LRRC9: variants seen among roughly 807,000 people sequenced by gnomAD.
LRRC9 encodes the protein leucine-rich repeat-containing protein 9.
Under a neutral mutation model 63.2 loss-of-function variants are expected in LRRC9, and 122 were observed. The ratio of observed to expected loss-of-function variants is 1.93; its 90% CI spans 1.67 to 2.24. The LOEUF (loss-of-function observed/expected upper bound fraction) is 2.24. Among genes scored for constraint, LRRC9 ranks in the 30% most tolerant of loss-of-function variants. LRRC9 has a pLI of 0.00. For synonymous variants in LRRC9, 366 were observed against 213.1 expected, an observed-to-expected ratio of 1.72 and a Z score of -6.25; for missense variants, 1,071 against 627.7, an observed-to-expected ratio of 1.71 and a Z score of -7.55.
At chr14:59,956,255 T>C (rs1309077616) in intron 8 of LRRC9, among the ~76,000 whole-genome samples, 1 of 152,112 alleles carries the variant, frequency 6.6e-6, no homozygotes, top group African/African-American at 2.4e-5. Flanking sequence ...CTCCCACTAT[T>C]ATTGTGTGAG....
At chr14:59,944,172 G>A (rs182532188) in intron 7 of LRRC9, among the ~76,000 whole-genome samples, 1,532 of 151,828 alleles carry the variant, frequency 0.01, 22 homozygotes, top group African/African-American at 0.035. Flanking sequence ...TTTAAAAAAC[G>A]AATTGAGTAA....
At chr14:60,061,547 G>A (rs559465124) in intron 31 of LRRC9, among the ~76,000 whole-genome samples, 1 of 152,036 alleles carries the variant, frequency 6.6e-6, no homozygotes, top group African/African-American at 2.4e-5. Context: ...ATATGTCCTG[G>A]GAAACCAAAA....
rs1884433788 is a variant in LRRC9 at position 59,962,358 on chromosome 14, A to C, written c.1211+1313A>C. Among the ~76,000 whole-genome samples, 1 of 152,316 alleles carries C rather than the reference A, an allele frequency of 6.6e-6. No homozygotes were observed. Among genetic ancestry groups the C allele is most frequent in the South Asian group, 2.1e-4 (1 of 4,828 alleles). On this transcript the variant is annotated intron_variant, in intron 10 of 31. Transcript: ENST00000445360. This position sits in a 1 kb window ranked among gnomAD's most constrained non-coding sequence, Gnocchi z 5.1. ...CTTGATTTTTCAAGTGCAAAAACTG[A>C]ATGGTGTGTCTCTACTGGGTGCACA...
chr14:59,997,911 C>G, intron 18 of LRRC9, 64 bp downstream of exon 18: 1 of 606,600 alleles, frequency 1.6e-6, no homozygotes, highest in Non-Finnish European at 3.0e-6. Context: ...TCCCTACTAA[C>G]TTTACTATTT....
chr14:60,026,204 C>T (rs920593154), intron 27 of LRRC9, among the ~76,000 whole-genome samples: 5 of 152,084 alleles, frequency 3.3e-5, no homozygotes, highest in Non-Finnish European at 7.4e-5. Flanking sequence ...AGTAAGCACA[C>T]AGAAAGATGA....
rs1318841838 is a variant in LRRC9 at position 60,027,918 on chromosome 14, CT to C, written c.3740del (p.Leu1247Ter). On this transcript the variant is annotated frameshift_variant, in exon 28 of 32. Coordinates refer to ENST00000445360, the Ensembl canonical transcript of LRRC9. LOFTEE classifies it high-confidence loss of function. The surrounding 1 kb of genome is among the most constrained non-coding windows in gnomAD (Gnocchi z 4.0). ...TCAGCCAAGTTGAAGGGCTTGACAACTTAGTAGTCCTTCAAGAATTGGTAGT... is the reference window on the plus strand; with the variant it reads ...TCAGCCAAGTTGAAGGGCTTGACAACTAGTAGTCCTTCAAGAATTGGTAGT... 1.4e-6 allele frequency: 1 copy of C among 701,320 alleles called. No homozygotes were observed. The highest frequency in any genetic ancestry group is 2.6e-6 in the Non-Finnish European group (1 of 384,100). 43.4% of individuals were successfully genotyped at this position (701,320 alleles called of 1,614,324 possible).
intron 15 of LRRC9, among the ~76,000 whole-genome samples, chr14:59,980,991 G>A (rs1886867541): frequency 6.6e-6 from 1 of 151,920 alleles, no homozygotes; most frequent in Non-Finnish European, 1.5e-5. Context: ...TAGTTTCTTG[G>A]TTATTTCTTC....
At chr14:59,945,567 T>C (rs577315172) in intron 8 of LRRC9, among the ~76,000 whole-genome samples, 1 of 152,058 alleles carries the variant, frequency 6.6e-6, no homozygotes, top group South Asian at 2.1e-4. Flanking sequence ...AAAGAAATAC[T>C]AGAAATCACA....
At chr14:59,999,078 AT>A (rs766933620) in intron 18 of LRRC9, 22 bp from the exon 19 acceptor site, 1,537 of 582,308 alleles carry the variant, frequency 2.6e-3, no homozygotes, top group South Asian at 5.2e-3. Flanking sequence ...TTTATAAAAA[AT>A]TTTTTTTTTG....
At chr14:59,921,122 C>T (rs1888736728) in intron 1 of LRRC9, among the ~76,000 whole-genome samples, 1 of 152,186 alleles carries the variant, frequency 6.6e-6, no homozygotes, top group Middle Eastern at 3.4e-3. Context: ...TGGAGTATGC[C>T]ATACAGCCAA....
At chr14:59,974,254 T>C (rs896120687) in intron 12 of LRRC9, among the ~76,000 whole-genome samples, 1 of 152,108 alleles carries the variant, frequency 6.6e-6, no homozygotes, top group African/African-American at 2.4e-5. Context: ...TTTTTGGAGT[T>C]AGCAAGATTA....
At chr14:60,007,940 TA>T (rs398043778) in intron 22 of LRRC9, among the ~76,000 whole-genome samples, 151 bp from the exon 23 acceptor site, 18,553 of 126,478 alleles carry the variant, frequency 0.15, 1,505 homozygotes, top group South Asian at 0.25. Context: ...ACCATGTCTT[TA>T]AAAAAAAAAA....
Position 59,974,561 on chromosome 14 carries a change from G to T in LRRC9, c.1507-15G>T. 4.7e-6 allele frequency: 3 copies of T among 633,152 alleles called. No individual in the cohort carries two copies. Among genetic ancestry groups the T allele is most frequent in the Admixed American group, 2.7e-5 (1 of 36,610 alleles). The allele number at this position is 633,152 out of a possible 1,614,324, so 39.2% of individuals were successfully genotyped here. A position where few individuals can be genotyped will look rare whatever the true frequency, so the allele number is the denominator to read the frequency against. ...AATTTTATAAAAATACTCAGACTTT[G>T]TTTTTTCTTTGCAGCTGCCTCTCAA... On this transcript the variant is annotated splice_polypyrimidine_tract_variant and intron_variant, in intron 12 of 31. Transcript: ENST00000445360.
At chr14:59,969,365 T>C (rs890292590) in intron 12 of LRRC9, 1 of 152,210 alleles carries the variant, frequency 6.6e-6, no homozygotes, top group African/African-American at 2.4e-5. Context: ...CTTCCCTTTT[T>C]TCTTCACACA....
chr14:60,033,197 CCT>C (rs1222274594), intron 29 of LRRC9, among the ~76,000 whole-genome samples: 1 of 151,846 alleles, frequency 6.6e-6, no homozygotes, highest in African/African-American at 2.4e-5. Context: ...CTTGCTGAAC[CCT>C]CTTTTTAATT....
At chr14:59,992,082 C>T (rs893050988) in intron 17 of LRRC9, among the ~76,000 whole-genome samples, 4 of 152,250 alleles carry the variant, frequency 2.6e-5, no homozygotes, top group East Asian at 1.9e-4. Flanking sequence ...AGACTGACAC[C>T]TCACATGGCC....
chr14:60,025,905 C>A (rs1455979401), intron 27 of LRRC9, among the ~76,000 whole-genome samples: 4 of 151,936 alleles, frequency 2.6e-5, no homozygotes, highest in African/African-American at 2.4e-5. Flanking sequence ...AATATTAGGA[C>A]TTAGTGGCTA....
rs1884040712 is a variant in LRRC9 at position 59,958,594 on chromosome 14, T to C, written c.883-1224T>C. Among the ~76,000 whole-genome samples, 1 of 152,202 alleles carries C rather than the reference T, an allele frequency of 6.6e-6. No homozygotes were observed. Among genetic ancestry groups the C allele is most frequent in the Admixed American group, 6.5e-5 (1 of 15,278 alleles). On this transcript the variant is annotated intron_variant, in intron 8 of 31. Transcript: ENST00000445360. The surrounding 1 kb of genome is among the most constrained non-coding windows in gnomAD (Gnocchi z 4.0). ...AGTGGGACCCGCTGAGCAAGACCAC[T>C]TGGCTCCCTGGCTTCAGTCCGCTTT...
At chr14:59,984,779 A>T (rs908105165) in intron 16 of LRRC9, among the ~76,000 whole-genome samples, 1 of 152,194 alleles carries the variant, frequency 6.6e-6, no homozygotes, top group Non-Finnish European at 1.5e-5. Flanking sequence ...TTAGAAACAG[A>T]TCTACCCTAA....
Sources: gnomAD v4.1 joint callset for allele counts (sites outside exome capture counted in the v4.1 genomes callset) on GRCh38, gnomAD v4.1.1 for gene constraint, Gnocchi (gnomAD v3.1) non-coding constraint, MANE v1.5 for transcripts, NCBI Gene and HGNC (gene_info 2026-07-23, HGNC 2026-07-21) for gene names.